The following CSMD2 variants were observed in gnomAD, a reference collection of about 807,000 sequenced individuals.
The protein encoded by CSMD2 is CUB and Sushi multiple domains 2.
CSMD2 carries 130 observed loss-of-function variants against 398.5 expected under a neutral mutation model. That is an observed-to-expected ratio of 0.33 (90% CI 0.28 to 0.38). The LOEUF (loss-of-function observed/expected upper bound fraction) is 0.38, where lower values mean the gene tolerates loss of function less well. CSMD2 is among the 10% of genes least tolerant of loss of function. The probability of loss-of-function intolerance (pLI) is 1.00; values close to 1 mark genes in which losing one functional copy is unlikely to be tolerated. For missense variants in CSMD2, 3,829 were observed against 4,764.9 expected (o/e 0.80, Z 5.78); for synonymous variants, 1,828 against 1,908.5 (o/e 0.96, Z 1.10).
At chr1:33,934,710 C>A (rs957852362) in intron 4 of CSMD2, among the ~76,000 whole-genome samples, 2 of 151,724 alleles carry the variant, frequency 1.3e-5, no homozygotes. Context: ...TAAAAATGAT[C>A]GTGTGCCACG....
chr1:33,561,917 C>T (rs564078467), intron 53 of CSMD2, among the ~76,000 whole-genome samples: 11 of 152,224 alleles, frequency 7.2e-5, no homozygotes, highest in East Asian at 3.9e-4. Context: ...GGTCGTGATG[C>T]CCCTTCCCTG....
At chr1:33,859,940 C>G (rs1212449648) in intron 5 of CSMD2, among the ~76,000 whole-genome samples, 2 of 152,112 alleles carry the variant, frequency 1.3e-5, no homozygotes, top group Non-Finnish European at 2.9e-5. Context: ...ACATTGCTAT[C>G]AACTGGAAAG....
chr1:33,762,306 T>C (rs142717914), intron 13 of CSMD2, among the ~76,000 whole-genome samples: 2,881 of 152,098 alleles, frequency 0.019, 37 homozygotes, highest in South Asian at 0.03. Context: ...GAGTCAGGCA[T>C]GGCAGAGCAC....
At chr1:33,919,128 G>C (rs1321020929) in intron 4 of CSMD2, among the ~76,000 whole-genome samples, 2 of 152,206 alleles carry the variant, frequency 1.3e-5, no homozygotes, top group Non-Finnish European at 2.9e-5. Context: ...ATGAGATCGA[G>C]CTAAGGTCGT....
At position 33,661,683 on chromosome 1, in the gene CSMD2, T is replaced by C. The variant is rs76725189; in HGVS notation, c.4255+1207A>G. The stretch of plus-strand genomic sequence containing the variant: ...AGTGTTAAATGGACAAATTTATAAG[T>C]ATAAAGCAATGTGATCCTGGAGACT... On this transcript the variant is annotated intron_variant, in intron 26 of 70. Coordinates refer to ENST00000373381, the MANE Select transcript of CSMD2 (RefSeq NM_001281956.2). Among the ~76,000 whole-genome samples, 783 of 152,276 alleles carry C rather than the reference T, an allele frequency of 5.1e-3. 7 individuals are homozygous for C. The highest frequency in any genetic ancestry group is 0.018 in the African/African-American group (747 of 41,538).
intron 13 of CSMD2, among the ~76,000 whole-genome samples, chr1:33,747,639 T>C (rs898612539): frequency 6.6e-6 from 1 of 152,126 alleles, no homozygotes; most frequent in African/African-American, 2.4e-5. Context: ...AAAACATCAG[T>C]TATGACAATA....
At chr1:33,997,636 A>G (rs187326460) in intron 3 of CSMD2, among the ~76,000 whole-genome samples, 1 of 152,194 alleles carries the variant, frequency 6.6e-6, no homozygotes, top group African/African-American at 2.4e-5. Flanking sequence ...CATTAGGAGT[A>G]TATTAACAAA....
chr1:34,102,682 C>A (rs758648951), intron 1 of CSMD2, among the ~76,000 whole-genome samples: 51 of 144,572 alleles, frequency 3.5e-4, no homozygotes, highest in Non-Finnish European at 7.2e-4. Flanking sequence ...CGGCCATATC[C>A]CTGTAATCCG....
At chr1:34,085,550 C>T (rs1388964931) in intron 2 of CSMD2, among the ~76,000 whole-genome samples, 3 of 151,946 alleles carry the variant, frequency 2.0e-5, no homozygotes, top group Admixed American at 2.0e-4. Flanking sequence ...AAATGTAGGT[C>T]AAAAACAGTT....
At chr1:33,770,530 C>T (rs1008977569) in intron 13 of CSMD2, among the ~76,000 whole-genome samples, 13 of 152,196 alleles carry the variant, frequency 8.5e-5, no homozygotes, top group South Asian at 2.1e-4. Context: ...GGCATGGGGC[C>T]GGTTGGCTCC....
At chr1:33,919,962 T>A (rs1191160192) in intron 4 of CSMD2, among the ~76,000 whole-genome samples, 1 of 152,104 alleles carries the variant, frequency 6.6e-6, no homozygotes, top group African/African-American at 2.4e-5. Flanking sequence ...GTCAGAAGGA[T>A]AAAGACAACT....
chr1:33,622,372 TC>T (rs1446633938), intron 36 of CSMD2, 101 bp from the exon 37 acceptor site: 2 of 815,032 alleles, frequency 2.5e-6, no homozygotes, highest in Non-Finnish European at 4.3e-6. Flanking sequence ...GACATTCTGC[TC>T]CCAAGGCCCC....
intron 3 of CSMD2, among the ~76,000 whole-genome samples, chr1:34,031,335 T>A (rs1650388466): frequency 6.6e-6 from 1 of 152,134 alleles, no homozygotes; most frequent in African/African-American, 2.4e-5. Context: ...AGTGCTGGGA[T>A]TACAAGTGTT....
chr1:34,093,166 A>T (rs1185356145), intron 1 of CSMD2, among the ~76,000 whole-genome samples: 20 of 152,254 alleles, frequency 1.3e-4, no homozygotes, highest in African/African-American at 4.3e-4. Context: ...CTCACACTGC[A>T]GGGTACTCCA....
intron 3 of CSMD2, among the ~76,000 whole-genome samples, chr1:33,965,957 G>C (rs776980816): frequency 6.6e-6 from 1 of 152,194 alleles, no homozygotes; most frequent in Non-Finnish European, 1.5e-5. Context: ...ATGCAGAGAC[G>C]GGAGAAACCA....
At chr1:34,140,268 C>T (rs1176044098) in intron 1 of CSMD2, among the ~76,000 whole-genome samples, 1 of 144,954 alleles carries the variant, frequency 6.9e-6, no homozygotes, top group Non-Finnish European at 1.5e-5. Context: ...GAAGATAATA[C>T]TCCAGACAGA....
At position 33,692,914 on chromosome 1, in the gene CSMD2, C is replaced by T. The variant is rs1032523196; in HGVS notation, c.4052+16G>A. The T allele has an allele frequency of 6.2e-7, 1 of 1,607,140 alleles. No homozygotes were observed. The highest frequency in any genetic ancestry group is 1.3e-5 in the African/African-American group (1 of 74,504). ...GAACAACTGGCGATAGTTACTTTGT[C>T]AGCCCTGACACTTACCCAATGGTGC... On this transcript the variant is annotated intron_variant, in intron 25 of 70. Transcript: ENST00000373381.
intron 1 of CSMD2, among the ~76,000 whole-genome samples, chr1:34,100,756 G>A (rs1158479867): frequency 2.6e-5 from 4 of 152,110 alleles, no homozygotes; most frequent in African/African-American, 9.7e-5. Flanking sequence ...TGGATTTTTT[G>A]TTCCATTGTA....
intron 1 of CSMD2, among the ~76,000 whole-genome samples, chr1:34,146,312 G>C (rs987708582): frequency 3.3e-5 from 5 of 152,282 alleles, no homozygotes; most frequent in Admixed American, 2.0e-4. Context: ...CAGAGCCCCA[G>C]CAGGGAGCAG....
Sources: gnomAD v4.1 joint callset for allele counts (sites outside exome capture counted in the v4.1 genomes callset) on GRCh38, gnomAD v4.1.1 for gene constraint, MANE v1.5 for transcripts, NCBI Gene and HGNC (gene_info 2026-07-23, HGNC 2026-07-21) for gene names.